Variants in ARHGAP18 observed in about 807,000 individuals in gnomAD.
ARHGAP18 encodes the protein Rho GTPase activating protein 18.
A neutral mutation model predicts 86.2 loss-of-function variants in ARHGAP18; 67 were observed. The observed-to-expected ratio is 0.78, with a 90% CI of 0.64 to 0.95. The LOEUF is 0.95. ARHGAP18 is among the 40% of genes least tolerant of loss of function. The pLI, the probability that ARHGAP18 is intolerant of heterozygous loss-of-function variation, is 0.00. For missense variants in ARHGAP18, 691 were observed against 780.4 expected, an observed-to-expected ratio of 0.89 and a Z score of 1.37; for synonymous variants, 283 against 280.4, an observed-to-expected ratio of 1.01 and a Z score of -0.09.
intron 1 of ARHGAP18, among the ~76,000 whole-genome samples, chr6:129,694,531 A>G (rs931256812): frequency 2.6e-5 from 4 of 152,238 alleles, no homozygotes; most frequent in African/African-American, 9.6e-5. Flanking sequence ...CTTGTAACAC[A>G]TCTACCAAGA....
intron 1 of ARHGAP18, among the ~76,000 whole-genome samples, chr6:129,675,383 CAAA>C (rs71664105): frequency 4.4e-5 from 4 of 90,606 alleles, no homozygotes; most frequent in Non-Finnish European, 4.8e-5. Flanking sequence ...GACTCCATCT[CAAA>C]AAAAAAAAAA....
chr6:129,600,469 G>GC (rs1788714772), intron 11 of ARHGAP18, among the ~76,000 whole-genome samples, 173 bp downstream of exon 11: 1 of 152,166 alleles, frequency 6.6e-6, no homozygotes. Context: ...TACAAGGCAT[G>GC]TTTTGACATA....
At chr6:129,705,239 T>C (rs147123192) in intron 1 of ARHGAP18, among the ~76,000 whole-genome samples, 37 of 152,296 alleles carry the variant, frequency 2.4e-4, no homozygotes, top group African/African-American at 8.9e-4. Flanking sequence ...AACCAAGGAA[T>C]GGGTGAGACA....
intron 1 of ARHGAP18, among the ~76,000 whole-genome samples, chr6:129,703,842 A>T (rs1327522787): frequency 2.0e-5 from 3 of 152,256 alleles, no homozygotes; most frequent in African/African-American, 7.2e-5. Context: ...GTTTAAATCC[A>T]TTTAGTCACT....
chr6:129,619,907 G>T (rs936778669), intron 5 of ARHGAP18, among the ~76,000 whole-genome samples: 9 of 151,740 alleles, frequency 5.9e-5, no homozygotes, highest in Non-Finnish European at 1.3e-4. Flanking sequence ...GTGACTTATG[G>T]CAATGGCTTA....
At chr6:129,707,016 CG>C (rs1774812667) in intron 1 of ARHGAP18, among the ~76,000 whole-genome samples, 1 of 151,088 alleles carries the variant, frequency 6.6e-6, no homozygotes, top group African/African-American at 2.4e-5. Context: ...CACCTGAAGT[CG>C]GGAGTTCGAG....
chr6:129,679,913 G>A (rs1301777989), intron 1 of ARHGAP18, among the ~76,000 whole-genome samples: 1 of 152,168 alleles, frequency 6.6e-6, no homozygotes, highest in Non-Finnish European at 1.5e-5. Flanking sequence ...AAGCCTCTAG[G>A]GATCCAGTCC....
At chr6:129,674,787 T>G (rs1486486621) in intron 1 of ARHGAP18, among the ~76,000 whole-genome samples, 1 of 152,180 alleles carries the variant, frequency 6.6e-6, no homozygotes, top group Non-Finnish European at 1.5e-5. Flanking sequence ...GAGGACTGTT[T>G]ATGTTTAGTT....
At chr6:129,684,871 T>G (rs1045978326) in intron 1 of ARHGAP18, among the ~76,000 whole-genome samples, 1 of 152,232 alleles carries the variant, frequency 6.6e-6, no homozygotes, top group Non-Finnish European at 1.5e-5. Context: ...AAATGCCCTC[T>G]AGAATCAGAG....
intron 1 of ARHGAP18, among the ~76,000 whole-genome samples, chr6:129,693,923 T>A (rs892117923): frequency 6.6e-6 from 1 of 152,172 alleles, no homozygotes; most frequent in Non-Finnish European, 1.5e-5. Flanking sequence ...GACCATGAAA[T>A]GCCAGTCGAC....
At chr6:129,653,472 A>T (rs1298087261) in intron 1 of ARHGAP18, among the ~76,000 whole-genome samples, 2 of 152,248 alleles carry the variant, frequency 1.3e-5, no homozygotes, top group Admixed American at 1.3e-4. Flanking sequence ...TTTATATGCA[A>T]GGTACTAAAA....
rs1039280890 is a variant in ARHGAP18, at chr6:129,592,268, C to T, written c.1713+6948G>A. Among the ~76,000 whole-genome samples, 6 of 152,296 alleles carry T rather than the reference C, an allele frequency of 3.9e-5. 1 individual carries two copies. Among genetic ancestry groups the T allele is most frequent in the African/African-American group, 2.4e-5 (1 of 41,564 alleles). ...CAGATGCTTGAAACAATACCTGCAA[C>T]AATGCTTTGCAGCAAGAACTGTTAA... On this transcript the variant is annotated intron_variant, in intron 12 of 14. Transcript: ENST00000368149.
At chr6:129,634,230 TG>T in intron 3 of ARHGAP18, 125 bp from the exon 4 acceptor site, 1 of 707,648 alleles carries the variant, frequency 1.4e-6, no homozygotes, top group Non-Finnish European at 2.3e-6. Flanking sequence ...ACAATCACAG[TG>T]AAAAAGGGGC....
At chr6:129,588,080 G>A (rs1788434178) in intron 12 of ARHGAP18, among the ~76,000 whole-genome samples, 3 of 151,184 alleles carry the variant, frequency 2.0e-5, no homozygotes, top group Admixed American at 6.6e-5. Flanking sequence ...GGGGCTACAG[G>A]CCCCACACAA....
chr6:129,708,411 C>A (rs1774838616), intron 1 of ARHGAP18, among the ~76,000 whole-genome samples: 2 of 152,222 alleles, frequency 1.3e-5, no homozygotes, highest in Admixed American at 6.5e-5. Flanking sequence ...ATGATCTGAT[C>A]CTCTCTTATT....
intron 1 of ARHGAP18, among the ~76,000 whole-genome samples, chr6:129,701,030 A>G (rs1774701634): frequency 6.6e-6 from 1 of 152,052 alleles, no homozygotes; most frequent in East Asian, 1.9e-4. Context: ...CAAAGTTCTC[A>G]CCCTCAATGA....
At chr6:129,625,817 T>C (rs1243508290) in intron 5 of ARHGAP18, among the ~76,000 whole-genome samples, 1 of 79,814 alleles carries the variant, frequency 1.3e-5, no homozygotes, top group African/African-American at 5.2e-5. Context: ...ATTATATATT[T>C]ATATATTATA....
At chr6:129,610,138 T>C (rs1303399315) in intron 8 of ARHGAP18, among the ~76,000 whole-genome samples, 1 of 152,268 alleles carries the variant, frequency 6.6e-6, no homozygotes, top group Non-Finnish European at 1.5e-5. Context: ...TTACTTGTGC[T>C]ATCTCAGTGC....
At chr6:129,629,635 C>A (rs1397610351) in intron 4 of ARHGAP18, 113 bp from the exon 5 acceptor site, 1 of 1,076,396 alleles carries the variant, frequency 9.3e-7, no homozygotes, top group South Asian at 1.7e-5. Flanking sequence ...TTTCTCTAGG[C>A]AATACTTAGC....
Sources: allele counts gnomAD v4.1 joint callset (sites outside exome capture counted in the v4.1 genomes callset), GRCh38; gene constraint gnomAD v4.1.1; transcripts MANE v1.5; gene names NCBI Gene and HGNC (gene_info 2026-07-23, HGNC 2026-07-21).